C4orf51: variants seen among roughly 807,000 people sequenced by gnomAD.
C4orf51 encodes the protein chromosome 4 open reading frame 51.
Under a neutral mutation model 25.2 loss-of-function variants are expected in C4orf51, and 25 were observed. The observed-to-expected ratio is 0.99, with a 90% CI of 0.72 to 1.39. The LOEUF (loss-of-function observed/expected upper bound fraction) is 1.39, where lower values mean the gene tolerates loss of function less well. Among genes scored for constraint, C4orf51 ranks in the 40% most tolerant of loss-of-function variants. C4orf51 has a pLI of 0.00. For synonymous variants in C4orf51, 100 were observed against 84.5 expected, an observed-to-expected ratio of 1.18 and a Z score of -1.01; for missense variants, 252 against 239.6, an observed-to-expected ratio of 1.05 and a Z score of -0.34.
chr4:145,762,864 GC>G lies in C4orf51; in HGVS notation n.167-8123del, dbSNP rs1734748517. Among the ~76,000 whole-genome samples, 2 of 152,224 alleles carry G rather than the reference GC, an allele frequency of 1.3e-5. 1 individual carries two copies. The highest frequency in any genetic ancestry group is 4.1e-4 in the South Asian group (2 of 4,828). ...TGCAAAAGTGGCTGCCTCAGCTCTT[GC>G]TTGGCTCCTGCAGGGCAGGGCTCAG... On this transcript the variant is annotated intron_variant and non_coding_transcript_variant, in intron 1 of 1. Coordinates refer to the C4orf51 transcript ENST00000510096. The surrounding 1 kb of genome is among the most constrained non-coding windows in gnomAD (Gnocchi z 4.9).
At chr4:145,683,265 A>C (rs1167140544) in intron 1 of C4orf51, among the ~76,000 whole-genome samples, 1 of 152,192 alleles carries the variant, frequency 6.6e-6, no homozygotes, top group African/African-American at 2.4e-5. Flanking sequence ...GAACTAATCA[A>C]ATGGAGAGAT....
chr4:145,751,917 C>A (rs1274188983), intron 1 of C4orf51, among the ~76,000 whole-genome samples: 1 of 152,214 alleles, frequency 6.6e-6, no homozygotes, highest in Non-Finnish European at 1.5e-5. Flanking sequence ...TCCATAGCCA[C>A]CACTACCATC....
At chr4:145,740,124 A>G (rs1733014054) in intron 1 of C4orf51, among the ~76,000 whole-genome samples, 1 of 152,070 alleles carries the variant, frequency 6.6e-6, no homozygotes, top group Non-Finnish European at 1.5e-5. Context: ...AGTTGCCATC[A>G]GCATTTCTTC....
intron 5 of C4orf51, among the ~76,000 whole-genome samples, chr4:145,731,001 C>T (rs1285073624): frequency 1.3e-5 from 2 of 152,252 alleles, no homozygotes; most frequent in East Asian, 1.9e-4. Flanking sequence ...AAAGCCAGTG[C>T]GGTGGCAGAC....
chr4:145,774,752 C>T (rs1242439574), downstream of C4orf51: 17 of 1,440,274 alleles, frequency 1.2e-5, no homozygotes, highest in East Asian at 3.8e-4. Context: ...CATTTATACA[C>T]AGTACACTCA....
In C4orf51 at chr4:145,732,449, C is replaced by G. The variant is rs780263060; in HGVS notation, c.502-4C>G. 4 of 1,603,404 alleles carry G rather than the reference C, an allele frequency of 2.5e-6. No individual in the cohort carries two copies. Among genetic ancestry groups the G allele is most frequent in the South Asian group, 2.3e-5 (2 of 88,680 alleles). ...GTGTTGACAACCAGGCCATTTTTCTCCAGCTTCATGGACGGTGCGATTCTG... is the reference window on the plus strand; with the variant it reads ...GTGTTGACAACCAGGCCATTTTTCTGCAGCTTCATGGACGGTGCGATTCTG... On this transcript the variant is annotated splice_polypyrimidine_tract_variant and splice_region_variant and intron_variant, in intron 5 of 5. Coordinates refer to ENST00000438731, the MANE Select transcript of C4orf51 (RefSeq NM_001080531.3).
chr4:145,718,653 T>C (rs1212788232), intron 2 of C4orf51, among the ~76,000 whole-genome samples: 2 of 152,220 alleles, frequency 1.3e-5, no homozygotes, highest in Admixed American at 6.5e-5. Flanking sequence ...CTGTTTCCTG[T>C]TGCACTTACA....
At chr4:145,771,085 T>A (rs1392974504), downstream of C4orf51, 1 of 152,268 alleles carries the variant, frequency 6.6e-6, no homozygotes, top group East Asian at 1.9e-4. Context: ...CATGTCCTCA[T>A]ATCCTTTGCT....
chr4:145,733,443 G>A (rs927238105), downstream of C4orf51, among the ~76,000 whole-genome samples: 5 of 152,202 alleles, frequency 3.3e-5, no homozygotes, highest in Admixed American at 2.6e-4. Flanking sequence ...CTAGGCCCGC[G>A]AAGGGCCCCG....
chr4:145,789,660 C>T, the C4orf51 span, among the ~76,000 whole-genome samples: 1 of 152,158 alleles, frequency 6.6e-6, no homozygotes, highest in South Asian at 2.1e-4. Context: ...TGTCTGACTA[C>T]AAAGCCCATA....
downstream of C4orf51, chr4:145,775,779 T>A (rs199674050): frequency 1.6e-3 from 2,633 of 1,614,148 alleles, 7 homozygotes; most frequent in Non-Finnish European, 2.1e-3. Context: ...ATGTTCCATC[T>A]GCAACTCACC....
downstream of C4orf51, chr4:145,774,771 G>A (rs1013329983): frequency 7.5e-7 from 1 of 1,331,728 alleles, no homozygotes; most frequent in Non-Finnish European, 1.0e-6. Context: ...CAAGAAAACT[G>A]GAATTTGAAA....
rs559409418 is a variant in C4orf51 at position 145,767,959 on chromosome 4, A to G, written n.167-3029A>G. Among the ~76,000 whole-genome samples the G allele has an allele frequency of 3.4e-4, 52 of 152,350 alleles. 1 individual carries two copies. In the South Asian group the frequency reaches 0.01, roughly 30 times the overall value. ...ATACATGGATAAATTCATAATTTTTAAATTATTGAAATGTCTTTAAAAGAT... is the reference window on the plus strand; with the variant it reads ...ATACATGGATAAATTCATAATTTTTGAATTATTGAAATGTCTTTAAAAGAT... On this transcript the variant is annotated intron_variant and non_coding_transcript_variant, in intron 1 of 1. Transcript: ENST00000510096.
chr4:145,729,900 C>T lies in C4orf51; in HGVS notation c.436C>T (p.Pro146Ser). ...PPNYGKYCVR[P>S]KKPAQEALIN... ...CTATCTCTTCACCCTAGGTGTGAGA[C>T]CTAAAAAGCCAGCACAGGAGGCCCT... Residue 146 changes from proline (P) to serine (S), a missense_variant, in exon 5 of 6, where the codon CCT becomes TCT. Pro to Ser is a moderately conservative substitution (Grantham distance 74, BLOSUM62 -1). Coordinates refer to ENST00000438731, the MANE Select transcript of C4orf51 (RefSeq NM_001080531.3). The T allele has an allele frequency of 6.2e-7, 1 of 1,613,696 alleles. No individual in the cohort carries two copies. The highest frequency in any genetic ancestry group is 8.5e-7 in the Non-Finnish European group (1 of 1,179,638).
At chr4:145,768,430 A>G (rs1404052054) in intron 1 of C4orf51, among the ~76,000 whole-genome samples, 1 of 151,726 alleles carries the variant, frequency 6.6e-6, no homozygotes, top group Non-Finnish European at 1.5e-5. Context: ...CTCCCAAAGT[A>G]CTGGGATTAC....
At chr4:145,792,135 C>CA in the C4orf51 span, among the ~76,000 whole-genome samples, 7 of 152,120 alleles carry the variant, frequency 4.6e-5, no homozygotes, top group African/African-American at 7.2e-5. Context: ...AGGCCAATAC[C>CA]ATGTGTTAAA....
At chr4:145,689,137 TAAC>T (rs1276746563) in intron 1 of C4orf51, among the ~76,000 whole-genome samples, 1 of 152,124 alleles carries the variant, frequency 6.6e-6, no homozygotes, top group Admixed American at 6.5e-5. Context: ...ATGAATTAAA[TAAC>T]AAAGTGTAAA....
intron 1 of C4orf51, among the ~76,000 whole-genome samples, chr4:145,693,645 G>A (rs1729766086): frequency 9.5e-6 from 1 of 105,680 alleles, no homozygotes; most frequent in Non-Finnish European, 1.9e-5. Flanking sequence ...GGACGGGGCG[G>A]CTGGCCGGGC....
intron 1 of C4orf51, among the ~76,000 whole-genome samples, chr4:145,750,107 A>G (rs1377049093): frequency 6.6e-6 from 1 of 152,058 alleles, no homozygotes; most frequent in Non-Finnish European, 1.5e-5. Flanking sequence ...TGTTGTAGTT[A>G]TTATTTTTAA....
Sources: allele counts gnomAD v4.1 joint callset (sites outside exome capture counted in the v4.1 genomes callset), GRCh38; gene constraint gnomAD v4.1.1; non-coding constraint Gnocchi (gnomAD v3.1); transcripts MANE v1.5; gene names NCBI Gene and HGNC (gene_info 2026-07-23, HGNC 2026-07-21).